The following RPGRIP1L variants were observed in gnomAD, a reference collection of about 807,000 sequenced individuals.
RPGRIP1L encodes the protein protein fantom.
In RPGRIP1L, 131 loss-of-function variants were observed where a neutral mutation model predicts 160.4. The ratio of observed to expected loss-of-function variants is 0.82; its 90% CI spans 0.71 to 0.94. The LOEUF (loss-of-function observed/expected upper bound fraction) is 0.94, where lower values mean the gene tolerates loss of function less well. Ranked by LOEUF, RPGRIP1L falls within the 40% of genes least tolerant of loss-of-function variation. The pLI is 0.00. For synonymous variants in RPGRIP1L, 510 were observed against 515.8 expected, an observed-to-expected ratio of 0.99 and a Z score of 0.15; for missense variants, 1,522 against 1,535.8, an observed-to-expected ratio of 0.99 and a Z score of 0.15.
At chr16:53,665,921 T>C (rs967542335) in intron 9 of RPGRIP1L, among the ~76,000 whole-genome samples, 1 of 152,148 alleles carries the variant, frequency 6.6e-6, no homozygotes, top group Non-Finnish European at 1.5e-5. Context: ...CCCCAGATGA[T>C]AGCCAGGTTT....
rs963424967 is a variant in RPGRIP1L, at chr16:53,622,319, G to T, written c.3332C>A (p.Ala1111Glu). 4 of 645,226 alleles carry T rather than the reference G, an allele frequency of 6.2e-6. No individual in the cohort carries two copies. The highest frequency in any genetic ancestry group is 8.5e-6 in the Non-Finnish European group (3 of 352,298). 40.0% of individuals were successfully genotyped at this position (645,226 alleles called of 1,614,324 possible). ...GCGGAAGTTGCAGTGAGCTGAGATC[G>T]CGCTACTGCACCCCAGCCCGGGAGA... is the stretch of plus-strand genomic sequence containing the variant. ...ALSPGLGCSS[A>E]ISAHCNFRLP... The change falls in exon 23 of 27, where the codon GCG becomes GAG. Residue 1111 changes from alanine to glutamate, a missense_variant. Ala to Glu is a moderately radical substitution (Grantham distance 107). Coordinates refer to ENST00000647211, the MANE Select transcript of RPGRIP1L (RefSeq NM_015272.5).
chr16:53,689,940 C>T (rs1970274190), intron 4 of RPGRIP1L, among the ~76,000 whole-genome samples: 1 of 152,212 alleles, frequency 6.6e-6, no homozygotes, highest in Non-Finnish European at 1.5e-5. Flanking sequence ...GTCTGCTGAT[C>T]TGTGGCTCTT....
At chr16:53,694,670 C>G (rs930336737) in intron 3 of RPGRIP1L, 1 of 151,860 alleles carries the variant, frequency 6.6e-6, no homozygotes, top group African/African-American at 2.4e-5. Flanking sequence ...GCCACCATGC[C>G]CAGCTAATTT....
rs1209593787 is a variant in RPGRIP1L at position 53,687,947 on chromosome 16, G to A, written c.548C>T (p.Ala183Val). The A allele has an allele frequency of 1.2e-6, 2 of 1,604,394 alleles. No homozygotes were observed. Among genetic ancestry groups the A allele is most frequent in the Admixed American group, 3.3e-5 (2 of 59,946 alleles). ...CPRKGIKFQD[A>V]DVAETPHPMF... ...GGGATGTGGAGTTTCTGCTACATCT[G>A]CATCTTGGAATTTTATACCTAAAAA... Residue 183 changes from alanine (A) to valine (V), a missense_variant, in exon 5 of 27, where the codon GCA becomes GTA. By Grantham distance (64) the Ala-to-Val change is moderately conservative. Coordinates refer to ENST00000647211, the MANE Select transcript of RPGRIP1L (RefSeq NM_015272.5).
intron 10 of RPGRIP1L, among the ~76,000 whole-genome samples, chr16:53,661,029 C>T (rs1056645094): frequency 5.9e-5 from 9 of 151,918 alleles, no homozygotes; most frequent in African/African-American, 1.2e-4. Flanking sequence ...GGCACGATGG[C>T]TCACGCCTGT....
chr16:53,697,335 C>T (rs1220094388), intron 2 of RPGRIP1L, among the ~76,000 whole-genome samples: 1 of 151,472 alleles, frequency 6.6e-6, no homozygotes, highest in African/African-American at 2.4e-5. Context: ...CTCCCTCTCC[C>T]TCTCCCCACG....
chr16:53,668,820 G>A (rs149260167), intron 9 of RPGRIP1L, among the ~76,000 whole-genome samples: 1 of 152,078 alleles, frequency 6.6e-6, no homozygotes, highest in African/African-American at 2.4e-5. Flanking sequence ...ATTTATTAAA[G>A]TTATACTTAC....
intron 10 of RPGRIP1L, among the ~76,000 whole-genome samples, chr16:53,660,719 C>T (rs532369842): frequency 8.3e-4 from 125 of 151,272 alleles, no homozygotes; most frequent in Admixed American, 2.0e-3. Flanking sequence ...CATGGTGAAC[C>T]CCGTCTCTAC....
chr16:53,672,609 AG>A lies in RPGRIP1L; in HGVS notation c.1029+260del, dbSNP rs539996739. ...TAAGTTCCATAGGTAATCTGGCATC[AG>A]TTTCAAAATGCTGGTTTCATTTTAC... On this transcript the variant is annotated intron_variant, in intron 8 of 26. Coordinates refer to ENST00000647211, the MANE Select transcript of RPGRIP1L (RefSeq NM_015272.5). 8.5e-5 allele frequency among the ~76,000 whole-genome samples: 13 copies of A among 152,300 alleles called. No individual in the cohort carries two copies. The East Asian group carries it at 2.5e-3, about 29-fold the overall frequency.
At chr16:53,653,153 T>C (rs1966932221) in intron 14 of RPGRIP1L, 166 bp from the exon 15 acceptor site, 1 of 410,958 alleles carries the variant, frequency 2.4e-6, no homozygotes, top group South Asian at 1.0e-4. Context: ...CAAAAATTTA[T>C]CATTTCTGTT....
chr16:53,647,008 A>G (rs1966598996), intron 16 of RPGRIP1L, among the ~76,000 whole-genome samples: 1 of 151,664 alleles, frequency 6.6e-6, no homozygotes, highest in Non-Finnish European at 1.5e-5. Context: ...CTCCCCTTCA[A>G]TCTACACACC....
chr16:53,701,310 G>A (rs1971373944), intron 1 of RPGRIP1L, among the ~76,000 whole-genome samples: 1 of 151,870 alleles, frequency 6.6e-6, no homozygotes, highest in African/African-American at 2.4e-5. Flanking sequence ...TGTGAAAGAG[G>A]TTTCGTTGCA....
chr16:53,641,526 G>A, intron 17 of RPGRIP1L, 51 bp from the exon 18 acceptor site: 1 of 1,492,828 alleles, frequency 6.7e-7, no homozygotes, highest in South Asian at 1.1e-5. Context: ...TTTTATTACT[G>A]TAAGAATTAA....
chr16:53,656,189 G>C (rs1053356211), intron 14 of RPGRIP1L, among the ~76,000 whole-genome samples: 1 of 152,186 alleles, frequency 6.6e-6, no homozygotes, highest in Non-Finnish European at 1.5e-5. Context: ...GCTTGGTGCA[G>C]TGTCTCACGC....
intron 26 of RPGRIP1L, among the ~76,000 whole-genome samples, chr16:53,603,822 C>G (rs541296818): frequency 9.2e-5 from 14 of 152,108 alleles, no homozygotes; most frequent in African/African-American, 3.1e-4. Context: ...CAGCTCATTC[C>G]CTGGAGCTGT....
At chr16:53,702,247 CACTT>C (rs1273037301) in intron 1 of RPGRIP1L, among the ~76,000 whole-genome samples, 14 of 152,286 alleles carry the variant, frequency 9.2e-5, no homozygotes, top group Admixed American at 5.9e-4. Flanking sequence ...TTAGTTAACT[CACTT>C]AAGGTGGTAG....
Position 53,614,645 on chromosome 16 carries a change from T to G in RPGRIP1L, c.3617-3594A>C, listed in dbSNP as rs371974433. ...TATCCTATGACTAACCATGGTTCAT[T>G]TAGTATTCTAAAACCCTAGATGGTT... On this transcript the variant is annotated intron_variant, in intron 24 of 26. Transcript: ENST00000647211. 9.8e-5 allele frequency among the ~76,000 whole-genome samples: 15 copies of G among 152,332 alleles called. No homozygotes were observed. The East Asian group carries it at 1.9e-3, about 20-fold the overall frequency.
chr16:53,629,635 C>G (rs1965392634), intron 22 of RPGRIP1L, among the ~76,000 whole-genome samples: 1 of 152,162 alleles, frequency 6.6e-6, no homozygotes, highest in African/African-American at 2.4e-5. Flanking sequence ...TTTTTTGAGT[C>G]AATCGATGCT....
At chr16:53,696,353 C>G in intron 2 of RPGRIP1L, 58 bp from the exon 3 acceptor site, 1 of 1,560,006 alleles carries the variant, frequency 6.4e-7, no homozygotes, top group Non-Finnish European at 8.8e-7. Context: ...TCTAGAAACT[C>G]TTGATATTAA....
Sources: allele counts gnomAD v4.1 joint callset (sites outside exome capture counted in the v4.1 genomes callset), GRCh38; gene constraint gnomAD v4.1.1; transcripts MANE v1.5; gene names NCBI Gene and HGNC (gene_info 2026-07-23, HGNC 2026-07-21).